The following PDZRN3 variants were observed in gnomAD, a reference collection of about 807,000 sequenced individuals.
PDZRN3 encodes the protein PDZ domain containing ring finger 3.
In PDZRN3, 38 loss-of-function variants were observed where a neutral mutation model predicts 85.7. That is an observed-to-expected ratio of 0.44 (90% CI 0.34 to 0.58). The LOEUF is 0.58. PDZRN3 is among the 20% of genes least tolerant of loss of function. PDZRN3 has a pLI of 0.01. For synonymous variants in PDZRN3, 759 were observed against 638.0 expected, an observed-to-expected ratio of 1.19 and a Z score of -2.86; for missense variants, 1,629 against 1,506.4, an observed-to-expected ratio of 1.08 and a Z score of -1.35.
chr3:73,432,844 G>C (rs973142699), intron 3 of PDZRN3, among the ~76,000 whole-genome samples: 1 of 151,858 alleles, frequency 6.6e-6, no homozygotes, highest in African/African-American at 2.4e-5. Context: ...AGACACATTT[G>C]AAGAATGATT....
chr3:73,486,920 G>A (rs1320412983), intron 3 of PDZRN3, among the ~76,000 whole-genome samples: 1 of 83,158 alleles, frequency 1.2e-5, no homozygotes, highest in Non-Finnish European at 2.3e-5. Context: ...TTAAACTTAT[G>A]GCCTATTATA....
intron 1 of PDZRN3, among the ~76,000 whole-genome samples, chr3:73,617,149 G>C (rs550760613): frequency 6.6e-6 from 1 of 152,308 alleles, no homozygotes; most frequent in East Asian, 1.9e-4. Flanking sequence ...CACACACACT[G>C]CTGATGCCAG....
intron 3 of PDZRN3, among the ~76,000 whole-genome samples, chr3:73,501,979 C>T (rs1227519526): frequency 6.6e-6 from 1 of 152,176 alleles, no homozygotes; most frequent in Non-Finnish European, 1.5e-5. Context: ...CGCATCACTG[C>T]ACTCCAGCCT....
rs1033451799 is a variant in PDZRN3 at position 73,463,148 on chromosome 3, A to G, written c.919-58753T>C. 4.7e-4 allele frequency among the ~76,000 whole-genome samples: 72 copies of G among 152,150 alleles called. 1 individual carries two copies. The highest frequency in any genetic ancestry group is 1.5e-3 in the African/African-American group (62 of 41,448). On this transcript the variant is annotated intron_variant, in intron 3 of 9. Transcript: ENST00000263666. ...AGGTGGTCATCTTGTTGGGCGAGCC[A>G]TGGCCAAATTCCTGCTTTCCCAGGG...
intron 3 of PDZRN3, among the ~76,000 whole-genome samples, chr3:73,408,834 C>A (rs990980100): frequency 1.3e-5 from 2 of 152,010 alleles, no homozygotes; most frequent in African/African-American, 4.8e-5. Context: ...GACTCCGGTG[C>A]ACGCCGTCAG....
intron 3 of PDZRN3, among the ~76,000 whole-genome samples, chr3:73,554,812 A>G (rs945710325): frequency 1.3e-5 from 2 of 152,264 alleles, no homozygotes; most frequent in Non-Finnish European, 2.9e-5. Context: ...TGATGATCAA[A>G]CTACCAGATT....
intron 3 of PDZRN3, among the ~76,000 whole-genome samples, chr3:73,528,585 A>G (rs1253857865): frequency 6.6e-6 from 1 of 152,204 alleles, no homozygotes; most frequent in Non-Finnish European, 1.5e-5. Flanking sequence ...AAATTCTGCT[A>G]ATTTAAACAC....
intron 3 of PDZRN3, among the ~76,000 whole-genome samples, chr3:73,483,616 G>C (rs1270110342): frequency 6.6e-6 from 1 of 152,156 alleles, no homozygotes; most frequent in Non-Finnish European, 1.5e-5. Flanking sequence ...TAAATTAATT[G>C]CATATGCTAC....
intron 3 of PDZRN3, among the ~76,000 whole-genome samples, chr3:73,520,699 C>A (rs961713434): frequency 6.6e-6 from 1 of 152,028 alleles, no homozygotes; most frequent in Admixed American, 6.6e-5. Context: ...TGTACACACA[C>A]AAGCACACAC....
chr3:73,624,605 A>C lies in PDZRN3; in HGVS notation c.221T>G (p.Leu74Arg). The change falls in exon 1 of 10, where the codon CTT (leucine) becomes CGT (arginine). Residue 74 changes from leucine to arginine, a missense_variant. Coordinates refer to ENST00000263666, the MANE Select transcript of PDZRN3 (RefSeq NM_015009.3). ...ELNHVLPLKR[L>R]ILKLDIKCAY... ...GCACTTGATGTCCAGCTTGAGGATAAGGCGCTTGAGCGGCAGGACGTGGTT... is the reference window on the plus strand; with the variant it reads ...GCACTTGATGTCCAGCTTGAGGATACGGCGCTTGAGCGGCAGGACGTGGTT... The C allele has an allele frequency of 1.3e-6, 2 of 1,556,716 alleles. No homozygotes were observed. Among genetic ancestry groups the C allele is most frequent in the Non-Finnish European group, 1.7e-6 (2 of 1,155,216 alleles).
In PDZRN3 at chr3:73,624,387, C is replaced by G; in HGVS notation, c.439G>C (p.Gly147Arg). 7.6e-7 allele frequency: 1 copy of G among 1,312,462 alleles called. No individual in the cohort carries two copies. The highest frequency in any genetic ancestry group is 9.6e-7 in the Non-Finnish European group (1 of 1,037,014). 81.3% of individuals were successfully genotyped at this position (1,312,462 alleles called of 1,614,324 possible). Reference sequence around the variant, plus strand: ...TGCTCGCCGTGCGTCAAGGGTAGCCCGCAGCCCTCCTGGCAGCGGCCCACT... The same window carrying G: ...TGCTCGCCGTGCGTCAAGGGTAGCCGGCAGCCCTCCTGGCAGCGGCCCACT... ...RPVGRCQEGC[G>R]LPLTHGEQRA... Residue 147 changes from glycine (G) to arginine (R), a missense_variant, in exon 1 of 10, where the codon GGG becomes CGG. By Grantham distance (125) the Gly-to-Arg change is moderately radical. Coordinates refer to ENST00000263666, the MANE Select transcript of PDZRN3 (RefSeq NM_015009.3).
intron 3 of PDZRN3, among the ~76,000 whole-genome samples, chr3:73,463,274 G>A (rs1703145156): frequency 6.6e-6 from 1 of 152,204 alleles, no homozygotes; most frequent in Non-Finnish European, 1.5e-5. Flanking sequence ...GGTCTCTTAG[G>A]TGGAAGAAGC....
At chr3:73,491,401 A>G (rs1575688003) in intron 3 of PDZRN3, among the ~76,000 whole-genome samples, 1 of 152,126 alleles carries the variant, frequency 6.6e-6, no homozygotes, top group East Asian at 1.9e-4. Flanking sequence ...ACTGGCCACA[A>G]ACCTGCTTCT....
chr3:73,489,575 C>CTTTCTTTTTTT (rs1553694901), intron 3 of PDZRN3, among the ~76,000 whole-genome samples: 5 of 80,110 alleles, frequency 6.2e-5, no homozygotes, highest in East Asian at 8.0e-4. Flanking sequence ...AGTTTCTTTT[C>CTTTCTTTTTTT]TTTTTTTTTT....
chr3:73,384,665 T>C lies in PDZRN3; in HGVS notation c.1901A>G (p.Asp634Gly), dbSNP rs1362959948. The C allele has an allele frequency of 6.2e-7, 1 of 1,613,946 alleles. No homozygotes were observed. The highest frequency in any genetic ancestry group is 8.5e-7 in the Non-Finnish European group (1 of 1,180,020). Residue 634 changes from aspartate to glycine, a missense_variant, in exon 10 of 10, where the codon GAC becomes GGC. Coordinates refer to ENST00000263666, the MANE Select transcript of PDZRN3 (RefSeq NM_015009.3). ...CTCGTCCACCGGGATCCCCAGGTAGTCGGCGTCCGTGCAGTCGGCCGAAAT... is the reference window on the plus strand; with the variant it reads ...CTCGTCCACCGGGATCCCCAGGTAGCCGGCGTCCGTGCAGTCGGCCGAAAT... Reference protein sequence around the residue: ...SFISADCTDADYLGIPVDECE... With the variant: ...SFISADCTDAGYLGIPVDECE...
intron 3 of PDZRN3, among the ~76,000 whole-genome samples, chr3:73,540,406 A>G (rs1211551267): frequency 6.6e-6 from 1 of 152,176 alleles, no homozygotes; most frequent in African/African-American, 2.4e-5. Context: ...TATATTGGAC[A>G]TATGTAGTAT....
At chr3:73,470,112 C>G (rs58880552) in intron 3 of PDZRN3, among the ~76,000 whole-genome samples, 38,718 of 151,880 alleles carry the variant, frequency 0.25, 5,756 homozygotes, top group African/African-American at 0.42. Context: ...GGTATGATAT[C>G]AGCTCTGAGA....
chr3:73,530,188 T>A (rs2106752450), intron 3 of PDZRN3, among the ~76,000 whole-genome samples: 1 of 152,334 alleles, frequency 6.6e-6, no homozygotes, highest in South Asian at 2.1e-4. Context: ...GAATTCTCTG[T>A]CAGCCTGAAG....
chr3:73,438,111 G>A (rs138672286), intron 3 of PDZRN3, among the ~76,000 whole-genome samples: 1 of 152,264 alleles, frequency 6.6e-6, no homozygotes, highest in African/African-American at 2.4e-5. Context: ...CTTCTCGGGT[G>A]CTCTGCACCA....
Sources: allele counts gnomAD v4.1 joint callset (sites outside exome capture counted in the v4.1 genomes callset), GRCh38; gene constraint gnomAD v4.1.1; transcripts MANE v1.5; gene names NCBI Gene and HGNC (gene_info 2026-07-23, HGNC 2026-07-21).